PRDM5: variants seen among roughly 807,000 people sequenced by gnomAD.
PRDM5 encodes PR domain zinc finger protein 5.
In PRDM5, 56 loss-of-function variants were observed where a neutral mutation model predicts 81.2. The observed-to-expected ratio is 0.69, with a 90% CI of 0.56 to 0.86. The LOEUF is 0.86. Among genes scored for constraint, PRDM5 ranks in the 40% least tolerant of loss-of-function variants. The pLI, the probability that PRDM5 is intolerant of heterozygous loss-of-function variation, is 0.00. For synonymous variants in PRDM5, 267 were observed against 256.4 expected, an observed-to-expected ratio of 1.04 and a Z score of -0.39; for missense variants, 697 against 770.1, an observed-to-expected ratio of 0.91 and a Z score of 1.12.
At chr4:120,734,884 C>T (rs768579499) in intron 14 of PRDM5, among the ~76,000 whole-genome samples, 2 of 152,322 alleles carry the variant, frequency 1.3e-5, no homozygotes, top group Admixed American at 6.5e-5. Context: ...ATACTTTCAG[C>T]GTGGTCTTTG....
At chr4:120,813,614 C>T in intron 7 of PRDM5, among the ~76,000 whole-genome samples, 1 of 152,192 alleles carries the variant, frequency 6.6e-6, no homozygotes, top group East Asian at 1.9e-4. Flanking sequence ...AAATGCTTCT[C>T]AGTGATTGAA....
At chr4:120,907,003 T>TA (rs3086696) in intron 2 of PRDM5, among the ~76,000 whole-genome samples, 2,291 of 111,758 alleles carry the variant, frequency 0.02, 45 homozygotes, top group African/African-American at 0.053. Flanking sequence ...CCACTTTCTC[T>TA]AAAAAAAAAA....
At chr4:120,908,474 A>T (rs1330807305) in intron 1 of PRDM5, among the ~76,000 whole-genome samples, 1 of 152,252 alleles carries the variant, frequency 6.6e-6, no homozygotes, top group Non-Finnish European at 1.5e-5. Flanking sequence ...AGGAGAAAAG[A>T]TAACCACTAA....
At chr4:120,842,362 T>C (rs1392085139) in intron 3 of PRDM5, among the ~76,000 whole-genome samples, 1 of 152,192 alleles carries the variant, frequency 6.6e-6, no homozygotes, top group East Asian at 1.9e-4. Context: ...TCTGTTATTT[T>C]AAAGGAAACA....
In PRDM5 at chr4:120,760,686, A is replaced by C. The variant is rs963911355; in HGVS notation, c.1538-6048T>G. 3.3e-5 allele frequency among the ~76,000 whole-genome samples: 5 copies of C among 152,080 alleles called. No homozygotes were observed. The East Asian group carries it at 9.6e-4, about 29-fold the overall frequency. ...AACTATAAAAAGTTGATTTTGGTTG[A>C]TTTTTAAAGGTGCCACAAAGTGGAT... On this transcript the variant is annotated intron_variant, in intron 13 of 15. Coordinates refer to ENST00000264808, the MANE Select transcript of PRDM5 (RefSeq NM_018699.4).
At chr4:120,883,188 C>T (rs1438057954) in intron 2 of PRDM5, among the ~76,000 whole-genome samples, 1 of 152,050 alleles carries the variant, frequency 6.6e-6, no homozygotes, top group Non-Finnish European at 1.5e-5. Flanking sequence ...ATTTTTTTCT[C>T]TCAATGTAAA....
Position 120,727,905 on chromosome 4 carries a change from C to T in PRDM5, c.1624-17492G>A, listed in dbSNP as rs570258425. 6.6e-5 allele frequency among the ~76,000 whole-genome samples: 10 copies of T among 150,454 alleles called. No homozygotes were observed. The South Asian group carries it at 2.1e-3, about 32-fold the overall frequency. On this transcript the variant is annotated intron_variant, in intron 14 of 15. Transcript: ENST00000264808. ...GAGCCAAGATCACGCCACTGCACTC[C>T]AACCTGGGTGACAGAGTGAGACTCC... is the stretch of plus-strand genomic sequence containing the variant.
chr4:120,817,346 G>C (rs1238704358), intron 5 of PRDM5, among the ~76,000 whole-genome samples: 1 of 152,042 alleles, frequency 6.6e-6, no homozygotes, highest in Non-Finnish European at 1.5e-5. Flanking sequence ...TACAGTCTTA[G>C]TATGAAATGT....
At chr4:120,800,948 C>G (rs1007689740) in intron 8 of PRDM5, among the ~76,000 whole-genome samples, 1 of 152,130 alleles carries the variant, frequency 6.6e-6, no homozygotes, top group African/African-American at 2.4e-5. Flanking sequence ...GACACTAACA[C>G]AGAGAAACTG....
intron 2 of PRDM5, among the ~76,000 whole-genome samples, chr4:120,856,124 T>C (rs577563003): frequency 1.3e-5 from 2 of 152,328 alleles, no homozygotes; most frequent in African/African-American, 4.8e-5. Context: ...TATTCAGTAT[T>C]AGCAACTTAT....
chr4:120,735,970 GAAGT>G (rs994112309), intron 14 of PRDM5, among the ~76,000 whole-genome samples: 1 of 152,080 alleles, frequency 6.6e-6, no homozygotes, highest in Non-Finnish European at 1.5e-5. Context: ...TTATACCCAT[GAAGT>G]AATTTCTCCT....
At chr4:120,817,341 T>C (rs923947699) in intron 5 of PRDM5, among the ~76,000 whole-genome samples, 1 of 152,192 alleles carries the variant, frequency 6.6e-6, no homozygotes, top group African/African-American at 2.4e-5. Context: ...ATTCATACAG[T>C]CTTAGTATGA....
At chr4:120,867,840 G>C (rs979783667) in intron 2 of PRDM5, among the ~76,000 whole-genome samples, 1 of 152,210 alleles carries the variant, frequency 6.6e-6, no homozygotes, top group East Asian at 1.9e-4. Flanking sequence ...TAGCACAAAA[G>C]TGAGAAAAAC....
chr4:120,897,413 A>T (rs111832487), intron 2 of PRDM5, among the ~76,000 whole-genome samples: 344 of 152,018 alleles, frequency 2.3e-3, no homozygotes, highest in Non-Finnish European at 3.7e-3. Context: ...TGGTTTAAGT[A>T]GTTTTACTAA....
intron 15 of PRDM5, among the ~76,000 whole-genome samples, chr4:120,700,107 A>C (rs1417336817): frequency 6.6e-6 from 1 of 152,162 alleles, no homozygotes; most frequent in South Asian, 2.1e-4. Context: ...CACATACACC[A>C]ATGCAACAGA....
At chr4:120,892,498 G>A (rs1407506585) in intron 2 of PRDM5, among the ~76,000 whole-genome samples, 1 of 152,192 alleles carries the variant, frequency 6.6e-6, no homozygotes, top group Non-Finnish European at 1.5e-5. Context: ...TGTTCCTGGT[G>A]TTGAGTGTTC....
chr4:120,871,188 T>C (rs1193698255), intron 2 of PRDM5, among the ~76,000 whole-genome samples: 1 of 152,216 alleles, frequency 6.6e-6, no homozygotes, highest in Non-Finnish European at 1.5e-5. Context: ...TAGTTCCACA[T>C]AATGTTTTGT....
In PRDM5 at chr4:120,922,583, C is replaced by T. The variant is rs1037882347; in HGVS notation, c.26G>A (p.Arg9Lys). 1 of 1,609,994 alleles carries T rather than the reference C, an allele frequency of 6.2e-7. No homozygotes were observed. Among genetic ancestry groups the T allele is most frequent in the African/African-American group, 1.3e-5 (1 of 74,936 alleles). Reference protein sequence around the residue: MLGMYVPDRFSLKSSRVQD... With the variant: MLGMYVPDKFSLKSSRVQD... ...AACCCGGGAGGACTTCAGGGAGAAC[C>T]TGTCCGGCACGTACATGCCCAGCAT... Residue 9 changes from arginine (R) to lysine (K), a missense_variant, in exon 1 of 16, where the codon AGG (arginine) becomes AAG (lysine). By Grantham distance (26) the Arg-to-Lys change is conservative. Transcript: ENST00000264808.
chr4:120,728,639 T>A (rs1266867271), intron 14 of PRDM5, among the ~76,000 whole-genome samples: 1 of 152,182 alleles, frequency 6.6e-6, no homozygotes, highest in Non-Finnish European at 1.5e-5. Context: ...ATTATTACCC[T>A]CCACTTTCCC....
Sources: gnomAD v4.1 joint callset for allele counts (sites outside exome capture counted in the v4.1 genomes callset) on GRCh38, gnomAD v4.1.1 for gene constraint, MANE v1.5 for transcripts, NCBI Gene and HGNC (gene_info 2026-07-23, HGNC 2026-07-21) for gene names.